ARHGEF7: variants seen among roughly 807,000 people sequenced by gnomAD.
ARHGEF7 encodes Rho guanine nucleotide exchange factor 7.
In ARHGEF7, 33 loss-of-function variants were observed where a neutral mutation model predicts 109.8. The ratio of observed to expected loss-of-function variants is 0.30; its 90% CI spans 0.23 to 0.40. The LOEUF (loss-of-function observed/expected upper bound fraction) is 0.40, where lower values mean the gene tolerates loss of function less well. Ranked by LOEUF, ARHGEF7 falls within the 10% of genes least tolerant of loss-of-function variation. The pLI is 1.00. For missense variants in ARHGEF7, 938 were observed against 1,098.5 expected (o/e 0.85, Z 2.07); for synonymous variants, 458 against 424.6 (o/e 1.08, Z -0.97).
intron 8 of ARHGEF7, among the ~76,000 whole-genome samples, chr13:111,256,088 A>G (rs1470948433): frequency 6.6e-6 from 1 of 152,176 alleles, no homozygotes; most frequent in Non-Finnish European, 1.5e-5. Context: ...TGTATTTGGA[A>G]TGGTAGAAAA....
chr13:111,263,533 A>G (rs915130788), intron 8 of ARHGEF7, among the ~76,000 whole-genome samples: 3 of 152,232 alleles, frequency 2.0e-5, no homozygotes, highest in African/African-American at 7.2e-5. Flanking sequence ...ATGGCCCAGC[A>G]CTGAGCAGTA....
At chr13:111,184,580 C>T (rs1385061751) in intron 2 of ARHGEF7, among the ~76,000 whole-genome samples, 1 of 152,210 alleles carries the variant, frequency 6.6e-6, no homozygotes, top group Admixed American at 6.5e-5. Context: ...CATTCTGAGG[C>T]TGACGTTTGT....
At chr13:111,246,592 T>C (rs1221818683) in intron 8 of ARHGEF7, among the ~76,000 whole-genome samples, 1 of 152,248 alleles carries the variant, frequency 6.6e-6, no homozygotes, top group Non-Finnish European at 1.5e-5. Flanking sequence ...AACTTAAGAC[T>C]GTACTTTCAA....
chr13:111,295,314 C>T, intron 19 of ARHGEF7: 1 of 517,438 alleles, frequency 1.9e-6, no homozygotes, highest in Non-Finnish European at 2.5e-6. Flanking sequence ...ATAGATAGAA[C>T]CCTTCTGTCT....
At chr13:111,125,125 A>AT (rs540805041) in intron 1 of ARHGEF7, among the ~76,000 whole-genome samples, 3 of 151,576 alleles carry the variant, frequency 2.0e-5, no homozygotes, top group African/African-American at 4.9e-5. Flanking sequence ...TTTTGGAGGG[A>AT]TTTTTTTTCA....
At chr13:111,259,954 T>G (rs1372583603) in intron 8 of ARHGEF7, among the ~76,000 whole-genome samples, 1 of 152,044 alleles carries the variant, frequency 6.6e-6, no homozygotes, top group Admixed American at 6.5e-5. Flanking sequence ...ATTCTGGAGT[T>G]GAAAAATGTA....
At chr13:111,173,945 A>G (rs544344808) in intron 2 of ARHGEF7, among the ~76,000 whole-genome samples, 3 of 152,270 alleles carry the variant, frequency 2.0e-5, no homozygotes, top group Admixed American at 1.3e-4. Flanking sequence ...AGTGATTACT[A>G]TGATAAAAAA....
intron 19 of ARHGEF7, chr13:111,292,666 T>C (rs1370746718): frequency 9.2e-7 from 1 of 1,087,120 alleles, no homozygotes; most frequent in Non-Finnish European, 1.1e-6. Context: ...TATGAACACT[T>C]TTCTATTTTA....
At chr13:111,163,475 G>A (rs2077474288) in intron 2 of ARHGEF7, among the ~76,000 whole-genome samples, 1 of 152,146 alleles carries the variant, frequency 6.6e-6, no homozygotes, top group South Asian at 2.1e-4. Flanking sequence ...AATATACTGG[G>A]AGCCACAGAT....
chr13:111,265,376 C>T (rs1045048466), intron 8 of ARHGEF7: 1 of 352,260 alleles, frequency 2.8e-6, no homozygotes, highest in African/African-American at 2.1e-5. Flanking sequence ...GGTTGAAAAA[C>T]AGGGAGAAGA....
At chr13:111,243,495 G>A (rs2088202133) in intron 6 of ARHGEF7, among the ~76,000 whole-genome samples, 1 of 152,182 alleles carries the variant, frequency 6.6e-6, no homozygotes, top group African/African-American at 2.4e-5. Context: ...GATGCAGGAT[G>A]TCCTTTTGGG....
At position 111,115,461 on chromosome 13, in the gene ARHGEF7, C is replaced by G. The variant is rs906093115; in HGVS notation, c.-66C>G. The G allele has an allele frequency of 2.1e-3, 2,099 of 998,316 alleles. 4 individuals are homozygous for G. The highest frequency in any genetic ancestry group is 2.4e-3 in the Non-Finnish European group (1,984 of 839,712). The allele number at this position is 998,316 out of a possible 1,614,324, so 61.8% of individuals were successfully genotyped here. A position where few individuals can be genotyped will look rare whatever the true frequency, so the allele number is the denominator to read the frequency against. ...GCGGCGGCGGCGGCGGCGGGGGCCG[C>G]GGGCCGGGCCGCCGCTCCGAGGTGA... On this transcript the variant is annotated 5_prime_UTR_variant, in exon 1 of 22. Transcript: ENST00000646102.
chr13:111,121,639 CT>C (rs1474112022), intron 1 of ARHGEF7, among the ~76,000 whole-genome samples: 2 of 152,214 alleles, frequency 1.3e-5, no homozygotes, highest in Non-Finnish European at 2.9e-5. Flanking sequence ...CACATCATCC[CT>C]TTGGGCACGC....
chr13:111,165,192 A>G (rs1165598696), intron 2 of ARHGEF7, among the ~76,000 whole-genome samples: 1 of 152,180 alleles, frequency 6.6e-6, no homozygotes, highest in African/African-American at 2.4e-5. Flanking sequence ...GGTTCCTTCA[A>G]AGCCTGAATT....
At chr13:111,186,712 C>T in intron 2 of ARHGEF7, 1 of 627,828 alleles carries the variant, frequency 1.6e-6, no homozygotes, top group Non-Finnish European at 2.0e-6. Flanking sequence ...CTAAAAATAA[C>T]AATTTCTTGT....
Position 111,273,716 on chromosome 13 carries a change from A to G in ARHGEF7, c.1074-98A>G. The G allele has an allele frequency of 2.0e-6, 3 of 1,518,804 alleles. 1 individual carries two copies. In the South Asian group the frequency reaches 3.5e-5, roughly 18 times the overall value. 94.1% of individuals were successfully genotyped at this position (1,518,804 alleles called of 1,614,324 possible). A position where few individuals can be genotyped will look rare whatever the true frequency, so the allele number is the denominator to read the frequency against. ...CTTCCAGATGTTAAAAGCAACACTT[A>G]TGTTTCATAAATTCTGGCTGTTGCT... On this transcript the variant is annotated intron_variant, in intron 9 of 21. Transcript: ENST00000646102. This position sits in a 1 kb window ranked among gnomAD's most constrained non-coding sequence, Gnocchi z 4.5.
At chr13:111,146,397 TGA>T (rs2075595502) in intron 1 of ARHGEF7, among the ~76,000 whole-genome samples, 1 of 152,232 alleles carries the variant, frequency 6.6e-6, no homozygotes. Context: ...TAAGAAACAC[TGA>T]GTTATACCAT....
At chr13:111,227,014 C>T (rs1356978201) in intron 5 of ARHGEF7, among the ~76,000 whole-genome samples, 3 of 152,140 alleles carry the variant, frequency 2.0e-5, no homozygotes, top group Non-Finnish European at 4.4e-5. Flanking sequence ...GTGGGAACAG[C>T]AAGAGAACTA....
At chr13:111,187,522 G>C (rs779238272) in intron 2 of ARHGEF7, among the ~76,000 whole-genome samples, 21 of 152,198 alleles carry the variant, frequency 1.4e-4, no homozygotes, top group Admixed American at 4.6e-4. Flanking sequence ...AAGCCAATTT[G>C]AGTTGGGTTT....
Sources: allele counts gnomAD v4.1 joint callset (sites outside exome capture counted in the v4.1 genomes callset), GRCh38; gene constraint gnomAD v4.1.1; non-coding constraint Gnocchi (gnomAD v3.1); transcripts MANE v1.5; gene names NCBI Gene and HGNC (gene_info 2026-07-23, HGNC 2026-07-21).